Variants in MRPS2 observed in about 807,000 individuals in gnomAD.
The protein encoded by MRPS2 is mitochondrial ribosomal protein S2.
A neutral mutation model predicts 18.9 loss-of-function variants in MRPS2; 13 were observed. That is an observed-to-expected ratio of 0.69 (90% CI 0.45 to 1.09). The LOEUF (loss-of-function observed/expected upper bound fraction) is 1.09, where lower values mean the gene tolerates loss of function less well. MRPS2 is among the 50% of genes least tolerant of loss of function. The pLI is 0.00. For synonymous variants in MRPS2, 186 were observed against 178.4 expected (o/e 1.04, Z -0.34); for missense variants, 389 against 421.7 (o/e 0.92, Z 0.68).
upstream of MRPS2, chr9:135,500,680 G>A (rs748378083): frequency 1.5e-5 from 22 of 1,455,164 alleles, no homozygotes; most frequent in East Asian, 5.5e-5. Flanking sequence ...CTGGCCTGGA[G>A]GGAGACCTCG....
chr9:135,500,036 C>A (rs980709133), upstream of MRPS2: 1 of 669,046 alleles, frequency 1.5e-6, no homozygotes. Flanking sequence ...GCGAGAGATT[C>A]CCTGCTGGGA....
upstream of MRPS2, chr9:135,500,521 C>G: frequency 1.8e-6 from 1 of 545,070 alleles, no homozygotes; most frequent in Admixed American, 4.3e-5. Context: ...CCGAGACTCT[C>G]AAGCCCAGGA....
rs1030680828 is a variant in MRPS2, at chr9:135,502,059, C to T, written c.299+86C>T. 15 of 1,585,758 alleles carry T rather than the reference C, an allele frequency of 9.5e-6. No homozygotes were observed. The Middle Eastern group carries it at 5.1e-4, about 54-fold the overall frequency. The stretch of plus-strand genomic sequence containing the variant: ...GGTTCTAGGGCCACTTTTGAACTGG[C>T]CTATGTCAGTTTTAGGTGATTACAG... On this transcript the variant is annotated intron_variant, in intron 3 of 3. Coordinates refer to ENST00000241600, the MANE Select transcript of MRPS2 (RefSeq NM_016034.5).
Position 135,503,579 on chromosome 9 carries a change from C to G in MRPS2, c.337C>G (p.His113Asp). 8.7e-6 allele frequency: 14 copies of G among 1,613,674 alleles called. No individual in the cohort carries two copies. The highest frequency in any genetic ancestry group is 1.2e-5 in the Non-Finnish European group (14 of 1,179,978). ...GTACATCTTTGGGAGCCGCCTGGAC[C>G]ACGACATCATCGACCTGGAACAGAC... ...EPYIFGSRLD[H>D]DIIDLEQTAT... Residue 113 changes from histidine (H) to aspartate (D), a missense_variant, in exon 4 of 4, where the codon CAC (histidine) becomes GAC (aspartate). Transcript: ENST00000241600.
rs976664246 is a variant in MRPS2, at chr9:135,502,092, C to T, written c.299+119C>T. On this transcript the variant is annotated intron_variant, in intron 3 of 3. Transcript: ENST00000241600. ...AGTTTTAGGTGATTACAGCCCCATC[C>T]TCCTCCACATGGGAATACAGAGCCC... The T allele has an allele frequency of 4.6e-6, 7 of 1,523,056 alleles. No homozygotes were observed. In the African/African-American group the frequency reaches 8.3e-5, roughly 18 times the overall value. 94.3% of individuals were successfully genotyped at this position (1,523,056 alleles called of 1,614,324 possible).
At position 135,503,494 on chromosome 9, in the gene MRPS2, T is replaced by C. The variant is rs373582104; in HGVS notation, c.300-48T>C. ...TGTTCCTGCAAGGAGCCAGTGGAGA[T>C]GGCCCCGTGAACTCTCATCCCCCTT... On this transcript the variant is annotated intron_variant, in intron 3 of 3. Transcript: ENST00000241600. The C allele has an allele frequency of 4.5e-6, 7 of 1,555,896 alleles. No individual in the cohort carries two copies. The African/African-American group carries it at 9.5e-5, about 21-fold the overall frequency.
intron 3 of MRPS2, 116 bp from the exon 4 acceptor site, chr9:135,503,426 A>T: frequency 7.2e-7 from 1 of 1,391,540 alleles, no homozygotes; most frequent in Non-Finnish European, 9.5e-7. Context: ...CCCAGCCCAT[A>T]GTGCCCCCAC....
chr9:135,503,689 G>T lies in MRPS2; in HGVS notation c.447G>T (p.Arg149=), dbSNP rs1018829343. 50 of 1,613,754 alleles carry T rather than the reference G, an allele frequency of 3.1e-5. No homozygotes were observed. The highest frequency in any genetic ancestry group is 4.2e-5 in the Non-Finnish European group (49 of 1,180,030). ...KGIILFISRN[R]QFSYLIENMA... ...TCATCTTGTTTATAAGCCGCAACCG[G>T]CAGTTCTCGTACCTGATTGAGAACA... Residue 149 remains arginine, a synonymous_variant, in exon 4 of 4, where the codon CGG becomes CGT. Coordinates refer to ENST00000241600, the MANE Select transcript of MRPS2 (RefSeq NM_016034.5).
rs779823922 is a variant in MRPS2, at chr9:135,503,727, G to A, written c.485G>A (p.Cys162Tyr). The A allele has an allele frequency of 3.7e-6, 6 of 1,613,276 alleles. No individual in the cohort carries two copies. Among genetic ancestry groups the A allele is most frequent in the East Asian group, 2.2e-5 (1 of 44,900 alleles). ...CTGATTGAGAACATGGCCCGTGACT[G>A]TGGCGAGTACGCCCACACTCGCTAC... ...SYLIENMARD[C>Y]GEYAHTRYFR... Residue 162 changes from cysteine (C) to tyrosine (Y), a missense_variant, in exon 4 of 4, where the codon TGT (cysteine) becomes TAT (tyrosine). By Grantham distance (194) the Cys-to-Tyr change is radical. Transcript: ENST00000241600.
chr9:135,503,368 G>T, intron 3 of MRPS2, 174 bp from the exon 4 acceptor site: 1 of 1,414,674 alleles, frequency 7.1e-7, no homozygotes, highest in Admixed American at 2.9e-5. Flanking sequence ...GGCCTGGATG[G>T]GTCTGCACTG....
chr9:135,503,064 A>G, intron 3 of MRPS2: 2 of 984,472 alleles, frequency 2.0e-6, no homozygotes, highest in Non-Finnish European at 2.4e-6. Flanking sequence ...GCAGTGGTCC[A>G]GTGCTTTGGA....
intron 3 of MRPS2, chr9:135,502,336 A>C: frequency 8.2e-5 from 75 of 912,152 alleles, no homozygotes; most frequent in Non-Finnish European, 9.1e-5. Flanking sequence ...CTGTATTCTC[A>C]CATGGTCATT....
intron 3 of MRPS2, chr9:135,502,251 G>GA (rs1831164190): frequency 8.0e-7 from 1 of 1,253,394 alleles, no homozygotes; most frequent in Non-Finnish European, 1.0e-6. Context: ...GAAAGGCTGA[G>GA]GGCAGAACCT....
Position 135,504,068 on chromosome 9 carries a change from C to T in MRPS2, c.826C>T (p.Gln276Ter). The change falls in exon 4 of 4, where the codon CAG becomes TAG. Residue 276 changes from glutamine (Q) to a stop codon, truncating the protein, a stop_gained. Transcript: ENST00000241600. LOFTEE classifies it low-confidence loss of function (END_TRUNC). This position sits in a 1 kb window ranked among gnomAD's most constrained non-coding sequence, Gnocchi z 4.3. ...QVEALYRLQG[Q>*]KEPGDQGPAH... ...TGAGGCTCTCTATCGCCTGCAGGGC[C>T]AGAAGGAGCCCGGGGACCAGGGGCC... 6.2e-7 allele frequency: 1 copy of T among 1,612,842 alleles called. No individual in the cohort carries two copies. The highest frequency in any genetic ancestry group is 8.5e-7 in the Non-Finnish European group (1 of 1,180,010).
At chr9:135,501,411 G>C in intron 2 of MRPS2, 1 of 1,227,570 alleles carries the variant, frequency 8.1e-7, no homozygotes. Context: ...CCGGAGCCCC[G>C]AGCTCGCCCA....
At chr9:135,502,358 G>C (rs548395258) in intron 3 of MRPS2, 12 of 856,906 alleles carry the variant, frequency 1.4e-5, no homozygotes, top group South Asian at 7.3e-5. Flanking sequence ...TGACTGCTGT[G>C]GGGGGAGGGG....
chr9:135,502,055 C>T lies in MRPS2; in HGVS notation c.299+82C>T, dbSNP rs1831158849. 7.1e-5 allele frequency: 113 copies of T among 1,595,984 alleles called. 3 individuals are homozygous for T. In the South Asian group the frequency reaches 1.2e-3, roughly 17 times the overall value. On this transcript the variant is annotated intron_variant, in intron 3 of 3. Transcript: ENST00000241600. The stretch of plus-strand genomic sequence containing the variant: ...CTCTGGTTCTAGGGCCACTTTTGAA[C>T]TGGCCTATGTCAGTTTTAGGTGATT...
Position 135,501,132 on chromosome 9 carries a change from G to T in MRPS2, c.169+9G>T. On this transcript the variant is annotated intron_variant, in intron 2 of 3. Transcript: ENST00000241600. ...GTCGGAGGACAGCACCGGTAACACT[G>T]GGCGCCCAGCCGAGTTGGGTGGGAA... The T allele has an allele frequency of 6.3e-7, 1 of 1,580,728 alleles. No homozygotes were observed. Among genetic ancestry groups the T allele is most frequent in the South Asian group, 1.1e-5 (1 of 88,126 alleles).
rs774112940 is a variant in MRPS2, at chr9:135,504,313, G to A, written c.*180G>A. 1.4e-4 allele frequency: 93 copies of A among 642,490 alleles called. 2 individuals carry two copies. The highest frequency in any genetic ancestry group is 1.0e-3 in the South Asian group (52 of 51,370). The allele number at this position is 642,490 out of a possible 1,614,324, so 39.8% of individuals were successfully genotyped here. A position where few individuals can be genotyped will look rare whatever the true frequency, so the allele number is the denominator to read the frequency against. On this transcript the variant is annotated 3_prime_UTR_variant, in exon 4 of 4. Coordinates refer to ENST00000241600, the MANE Select transcript of MRPS2 (RefSeq NM_016034.5). This position sits in a 1 kb window ranked among gnomAD's most constrained non-coding sequence, Gnocchi z 4.3. ...TGAGCGGACCAACGTTGCCATGTGCGTTTGCTCTGTGGGGAACAGAGCACA... is the reference window on the plus strand; with the variant it reads ...TGAGCGGACCAACGTTGCCATGTGCATTTGCTCTGTGGGGAACAGAGCACA...
Sources: gnomAD v4.1 joint callset for allele counts on GRCh38, gnomAD v4.1.1 for gene constraint, Gnocchi (gnomAD v3.1) non-coding constraint, MANE v1.5 for transcripts, NCBI Gene and HGNC (gene_info 2026-07-23, HGNC 2026-07-21) for gene names.